The following VPS35 variants were observed in gnomAD, a reference collection of about 807,000 sequenced individuals.
VPS35 encodes vacuolar protein sorting-associated protein 35.
A neutral mutation model predicts 98.1 loss-of-function variants in VPS35; 21 were observed. The ratio of observed to expected loss-of-function variants is 0.21; its 90% CI spans 0.15 to 0.31. VPS35 has a LOEUF of 0.31. VPS35 is among the 10% of genes least tolerant of loss of function. VPS35 has a pLI of 1.00. For missense variants in VPS35, 554 were observed against 950.8 expected, an observed-to-expected ratio of 0.58 and a Z score of 5.49; for synonymous variants, 268 against 318.2, an observed-to-expected ratio of 0.84 and a Z score of 1.68.
chr16:46,665,567 T>G (rs1965975509), intron 13 of VPS35, among the ~76,000 whole-genome samples: 1 of 143,610 alleles, frequency 7.0e-6, no homozygotes, highest in South Asian at 2.3e-4. Context: ...TGTATCCCAG[T>G]CTGGGCAACA....
chr16:46,667,430 G>T (rs1165147333), intron 13 of VPS35, among the ~76,000 whole-genome samples: 1 of 151,988 alleles, frequency 6.6e-6, no homozygotes. Context: ...TCTGCTGATT[G>T]TTTCCTTTGT....
chr16:46,658,955 A>G lies in VPS35; in HGVS notation c.*1517T>C, dbSNP rs1188521359. The G allele has an allele frequency of 6.6e-6, 1 of 152,230 alleles. No individual in the cohort carries two copies. The highest frequency in any genetic ancestry group is 1.5e-5 in the Non-Finnish European group (1 of 68,044). 9.4% of individuals were successfully genotyped at this position (152,230 alleles called of 1,614,324 possible). A position where few individuals can be genotyped will look rare whatever the true frequency, so the allele number is the denominator to read the frequency against. On this transcript the variant is annotated 3_prime_UTR_variant, in exon 17 of 17. Transcript: ENST00000299138. ...TTACCCTTGAATATAGGCTAGACTT[A>G]GTGACTCCCCACTTACAGAATAAGG... is the stretch of plus-strand genomic sequence containing the variant.
Position 46,660,639 on chromosome 16 carries a change from C to T in VPS35, c.2224G>A (p.Val742Ile). ...EKENDAVTIQ[V>I]LNQLIQKIRE... Reference sequence around the variant, plus strand: ...ATCTTTTGGATAAGCTGGTTTAAAACCTGAATTGTTACCTACAAAAGAATA... The same window carrying T: ...ATCTTTTGGATAAGCTGGTTTAAAATCTGAATTGTTACCTACAAAAGAATA... The change falls in exon 17 of 17, where the codon GTT becomes ATT. Residue 742 changes from valine to isoleucine, a missense_variant. This residue lies in a region of VPS35 where 153 missense variants were observed against 211.0 expected (regional missense o/e 0.73). Coordinates refer to ENST00000299138, the MANE Select transcript of VPS35 (RefSeq NM_018206.6). 9 of 1,613,724 alleles carry T rather than the reference C, an allele frequency of 5.6e-6. No individual in the cohort carries two copies. The highest frequency in any genetic ancestry group is 7.6e-6 in the Non-Finnish European group (9 of 1,179,948).
Position 46,660,600 on chromosome 16 carries a change from G to C in VPS35, c.2263C>G (p.Pro755Ala). ...QLIQKIREDL[P>A]NLESSEETEQ... ...GTTTCTTCACTGGATTCAAGATTCG[G>C]GAGGTCTTCTCGAATCTTTTGGATA... Residue 755 changes from proline (P) to alanine (A), a missense_variant, in exon 17 of 17, where the codon CCG becomes GCG. Pro to Ala is a conservative substitution (Grantham distance 27, BLOSUM62 -1). Coordinates refer to ENST00000299138, the MANE Select transcript of VPS35 (RefSeq NM_018206.6). 6.2e-7 allele frequency: 1 copy of C among 1,613,950 alleles called. No homozygotes were observed. Among genetic ancestry groups the C allele is most frequent in the Non-Finnish European group, 8.5e-7 (1 of 1,179,998 alleles).
chr16:46,682,003 T>C, intron 3 of VPS35, 76 bp downstream of exon 3: 3 of 1,176,008 alleles, frequency 2.6e-6, no homozygotes, highest in Middle Eastern at 2.0e-4. Context: ...AAAAACTTCA[T>C]AAAGAACAAA....
Position 46,679,126 on chromosome 16 carries a change from G to T in VPS35, c.537C>A (p.Ser179=), listed in dbSNP as rs749320030. ...DEETTGDISD[S]MDFVLLNFAE... is the part of the protein sequence containing the mutation. ...CAAAGTTGAGCAGTACAAAATCCATGGAATCACTGATGTCACCAGTTGTTT... is the reference window on the plus strand; with the variant it reads ...CAAAGTTGAGCAGTACAAAATCCATTGAATCACTGATGTCACCAGTTGTTT... Residue 179 remains serine, a synonymous_variant, in exon 6 of 17, where the codon TCC becomes TCA. Coordinates refer to ENST00000299138, the MANE Select transcript of VPS35 (RefSeq NM_018206.6). 1 of 1,613,024 alleles carries T rather than the reference G, an allele frequency of 6.2e-7. No individual in the cohort carries two copies. Among genetic ancestry groups the T allele is most frequent in the Non-Finnish European group, 8.5e-7 (1 of 1,179,430 alleles).
chr16:46,661,290 C>T lies in VPS35; in HGVS notation c.2211+428G>A, dbSNP rs1965911299. Among the ~76,000 whole-genome samples the T allele has an allele frequency of 6.6e-6, 1 of 152,184 alleles. No individual in the cohort carries two copies. Among genetic ancestry groups the T allele is most frequent in the Non-Finnish European group, 1.5e-5 (1 of 68,040 alleles). On this transcript the variant is annotated intron_variant, in intron 16 of 16. Coordinates refer to ENST00000299138, the MANE Select transcript of VPS35 (RefSeq NM_018206.6). The surrounding 1 kb of genome is among the most constrained non-coding windows in gnomAD (Gnocchi z 4.3). The stretch of plus-strand genomic sequence containing the variant: ...TGTTGCCCAGGCAGGAGTGCAATGG[C>T]ACAGTCTTGGCTCACTGCAGCCTCC...
chr16:46,686,518 A>G (rs1214796176), intron 1 of VPS35, among the ~76,000 whole-genome samples: 1 of 152,216 alleles, frequency 6.6e-6, no homozygotes, highest in Non-Finnish European at 1.5e-5. Flanking sequence ...GTTGAAGATT[A>G]CAGAATATGA....
intron 12 of VPS35, 97 bp downstream of exon 12, chr16:46,671,608 C>T (rs1966069589): frequency 1.3e-6 from 2 of 1,529,002 alleles, no homozygotes; most frequent in Admixed American, 1.8e-5. Flanking sequence ...CCTTCAAAAC[C>T]ATCTAAGACC....
rs773089248 is a variant in VPS35 at position 46,671,753 on chromosome 16, G to A, written c.1476C>T (p.Gly492=). 1 of 1,614,128 alleles carries A rather than the reference G, an allele frequency of 6.2e-7. No homozygotes were observed. Among genetic ancestry groups the A allele is most frequent in the Non-Finnish European group, 8.5e-7 (1 of 1,180,016 alleles). The change falls in exon 12 of 17, where the codon GGC becomes GGT. Residue 492 remains glycine (G), a synonymous_variant. Coordinates refer to ENST00000299138, the MANE Select transcript of VPS35 (RefSeq NM_018206.6). ...EDFADEQSLV[G]RFIHLLRSED... is the part of the protein sequence containing the mutation. The stretch of plus-strand genomic sequence containing the variant: ...CAGAGCGCAGCAGATGAATGAAGCG[G>A]CCCACAAGGCTCTGCTCATCAGCAA...
chr16:46,659,500 A>T lies in VPS35; in HGVS notation c.*972T>A, dbSNP rs976689787. 6.6e-6 allele frequency: 1 copy of T among 152,214 alleles called. No homozygotes were observed. The highest frequency in any genetic ancestry group is 1.5e-5 in the Non-Finnish European group (1 of 68,050). The allele number at this position is 152,214 out of a possible 1,614,324, so 9.4% of individuals were successfully genotyped here. A position where few individuals can be genotyped will look rare whatever the true frequency, so the allele number is the denominator to read the frequency against. ...TGGGAAAAGCAGGGTAAAGTTGAGGAAAGAAAAGGGGTATAAATGACTAAA... is the reference window on the plus strand; with the variant it reads ...TGGGAAAAGCAGGGTAAAGTTGAGGTAAGAAAAGGGGTATAAATGACTAAA... On this transcript the variant is annotated 3_prime_UTR_variant, in exon 17 of 17. Coordinates refer to ENST00000299138, the MANE Select transcript of VPS35 (RefSeq NM_018206.6).
At position 46,676,653 on chromosome 16, in the gene VPS35, A is replaced by G. The variant is rs1256665544; in HGVS notation, c.844T>C (p.Phe282Leu). Residue 282 changes from phenylalanine to leucine, a missense_variant, in exon 8 of 17, where the codon TTT (phenylalanine) becomes CTT (leucine). Transcript: ENST00000299138. ...TGTAACTCAGCACAGGCCCGAAGAAAAGGATTCAAAGTCTGGAGGTGAAAT... is the reference window on the plus strand; with the variant it reads ...TGTAACTCAGCACAGGCCCGAAGAAGAGGATTCAAAGTCTGGAGGTGAAAT... ...DEFHLQTLNP[F>L]LRACAELHQN... 3 of 1,613,394 alleles carry G rather than the reference A, an allele frequency of 1.9e-6. No individual in the cohort carries two copies. Among genetic ancestry groups the G allele is most frequent in the Non-Finnish European group, 2.5e-6 (3 of 1,179,774 alleles).
At chr16:46,660,745 C>T (rs1295856269) in intron 16 of VPS35, 94 bp from the exon 17 acceptor site, 11 of 835,082 alleles carry the variant, frequency 1.3e-5, no homozygotes, top group Non-Finnish European at 1.8e-5. Flanking sequence ...TTCTGTTACA[C>T]TCATCAATTA....
intron 13 of VPS35, among the ~76,000 whole-genome samples, chr16:46,666,911 T>A (rs1435713031): frequency 1.3e-5 from 2 of 152,248 alleles, no homozygotes; most frequent in African/African-American, 4.8e-5. Context: ...CCATTGTGAA[T>A]AATGCTGCAA....
Position 46,659,637 on chromosome 16 carries a change from CAATT to C in VPS35, c.*831_*834del, listed in dbSNP as rs1965876986. 1 of 150,780 alleles carries C rather than the reference CAATT, an allele frequency of 6.6e-6. No individual in the cohort carries two copies. The highest frequency in any genetic ancestry group is 2.1e-4 in the South Asian group (1 of 4,780). The allele number at this position is 150,780 out of a possible 1,614,324, so 9.3% of individuals were successfully genotyped here. On this transcript the variant is annotated 3_prime_UTR_variant, in exon 17 of 17. Coordinates refer to ENST00000299138, the MANE Select transcript of VPS35 (RefSeq NM_018206.6). ...TAGCCATACTACTAGTACTTTTTAT[CAATT>C]AAAGATAGTATGAAAGGGGAAAAAA...
chr16:46,683,874 A>G (rs1966272798), intron 1 of VPS35, among the ~76,000 whole-genome samples: 1 of 152,050 alleles, frequency 6.6e-6, no homozygotes, highest in Admixed American at 6.5e-5. Flanking sequence ...ACAAGCGCCC[A>G]TCACCACACC....
chr16:46,679,631 T>C (rs1455000511), intron 5 of VPS35, among the ~76,000 whole-genome samples: 1 of 152,240 alleles, frequency 6.6e-6, no homozygotes, highest in Non-Finnish European at 1.5e-5. Flanking sequence ...TACATCATTT[T>C]ACTGTTGAAT....
At chr16:46,671,093 TAAAG>T (rs1966061678) in intron 12 of VPS35, among the ~76,000 whole-genome samples, 3 of 149,772 alleles carry the variant, frequency 2.0e-5, no homozygotes, top group Non-Finnish European at 3.0e-5. Context: ...GGACTAATAA[TAAAG>T]AGAGAACCTC....
Position 46,658,549 on chromosome 16 carries a change from G to A in VPS35, c.*1923C>T, listed in dbSNP as rs374027606. ...TAAGAGATAATTTACACACTGTACTGACATTACCTTACTTGCAAACCAAGC... is the reference window on the plus strand; with the variant it reads ...TAAGAGATAATTTACACACTGTACTAACATTACCTTACTTGCAAACCAAGC... On this transcript the variant is annotated 3_prime_UTR_variant, in exon 17 of 17. Coordinates refer to ENST00000299138, the MANE Select transcript of VPS35 (RefSeq NM_018206.6). 1 of 153,584 alleles carries A rather than the reference G, an allele frequency of 6.5e-6. No individual in the cohort carries two copies. The highest frequency in any genetic ancestry group is 2.1e-4 in the South Asian group (1 of 4,832). The allele number at this position is 153,584 out of a possible 1,614,324, so 9.5% of individuals were successfully genotyped here.
Sources: gnomAD v4.1 joint callset for allele counts (sites outside exome capture counted in the v4.1 genomes callset) on GRCh38, gnomAD v4.1.1 for gene constraint, gnomAD v4.1.1 regional missense constraint, Gnocchi (gnomAD v3.1) non-coding constraint, MANE v1.5 for transcripts, NCBI Gene and HGNC (gene_info 2026-07-23, HGNC 2026-07-21) for gene names.